The following PI4K2B variants were observed in gnomAD, a reference collection of about 807,000 sequenced individuals.
The protein encoded by PI4K2B is phosphatidylinositol 4-kinase type 2 beta, also known as phosphatidylinositol 4-kinase type 2-beta.
In PI4K2B, 46 loss-of-function variants were observed where a neutral mutation model predicts 56.6. The ratio of observed to expected loss-of-function variants is 0.81; its 90% CI spans 0.64 to 1.04. PI4K2B has a LOEUF of 1.04. PI4K2B is among the 50% of genes least tolerant of loss of function. The pLI is 0.00. For missense variants in PI4K2B, 556 were observed against 607.7 expected (o/e 0.91, Z 0.89); for synonymous variants, 211 against 223.8 (o/e 0.94, Z 0.51).
intron 9 of PI4K2B, 34 bp from the exon 10 acceptor site, chr4:25,276,980 T>C: frequency 6.7e-7 from 1 of 1,483,368 alleles, no homozygotes; most frequent in Non-Finnish European, 9.1e-7. Flanking sequence ...TTTTTATCTT[T>C]TTAAATTGGT....
At chr4:25,252,517 G>A in intron 2 of PI4K2B, 42 bp downstream of exon 2, 1 of 1,208,244 alleles carries the variant, frequency 8.3e-7, no homozygotes, top group Non-Finnish European at 1.2e-6. Flanking sequence ...GGAAACTTTG[G>A]TAAATACTAA....
intron 1 of PI4K2B, among the ~76,000 whole-genome samples, chr4:25,252,108 T>G (rs1200318009): frequency 6.6e-6 from 1 of 152,116 alleles, no homozygotes; most frequent in East Asian, 1.9e-4. Flanking sequence ...ATTACAGGCG[T>G]GAGCCACTGT....
chr4:25,252,140 A>G (rs966118333), intron 1 of PI4K2B, among the ~76,000 whole-genome samples, 181 bp from the exon 2 acceptor site: 5 of 149,500 alleles, frequency 3.3e-5, no homozygotes, highest in Non-Finnish European at 7.4e-5. Context: ...CCCCCATGTT[A>G]TTATTTGGAA....
chr4:25,262,348 T>TA lies in PI4K2B; in HGVS notation c.979-1395dup, dbSNP rs1560376848. ...AGAGCAAGACCCTGTCTCAAAAAAA[T>TA]AAAAAAATTAAAGATAATTAAATAA... On this transcript the variant is annotated intron_variant, in intron 6 of 9. Coordinates refer to ENST00000264864, the MANE Select transcript of PI4K2B (RefSeq NM_018323.4). Among the ~76,000 whole-genome samples, 3 of 151,964 alleles carry TA rather than the reference T, an allele frequency of 2.0e-5. No homozygotes were observed. In the South Asian group the frequency reaches 6.2e-4, roughly 32 times the overall value.
At chr4:25,239,744 G>A (rs1715435402) in intron 1 of PI4K2B, among the ~76,000 whole-genome samples, 2 of 152,238 alleles carry the variant, frequency 1.3e-5, no homozygotes, top group South Asian at 4.1e-4. Context: ...GGCCGAGGAG[G>A]CGCCGAGAGT....
rs1717124495 is a variant in PI4K2B, at chr4:25,276,997, C to T, written c.1273-17C>T. On this transcript the variant is annotated splice_polypyrimidine_tract_variant and intron_variant, in intron 9 of 9. Coordinates refer to ENST00000264864, the MANE Select transcript of PI4K2B (RefSeq NM_018323.4). ...TTTATCTTTTTAAATTGGTAAAAAT[C>T]TCTCTTCTTCCCACAGATCTTAAAC... is the stretch of plus-strand genomic sequence containing the variant. 2.6e-6 allele frequency: 4 copies of T among 1,510,402 alleles called. No individual in the cohort carries two copies. The East Asian group carries it at 9.2e-5, about 35-fold the overall frequency. The allele number at this position is 1,510,402 out of a possible 1,614,324, so 93.6% of individuals were successfully genotyped here. A position where few individuals can be genotyped will look rare whatever the true frequency, so the allele number is the denominator to read the frequency against.
Position 25,269,541 on chromosome 4 carries a change from C to T in PI4K2B, c.1272+338C>T, listed in dbSNP as rs531720579. Among the ~76,000 whole-genome samples the T allele has an allele frequency of 2.3e-4, 35 of 150,528 alleles. 1 individual carries two copies. The South Asian group carries it at 6.8e-3, about 29-fold the overall frequency. ...GTAATCACAGCTACTTGGGAGGCTG[C>T]AGCAGGAGAATCGCTTGAACTCGGG... On this transcript the variant is annotated intron_variant, in intron 9 of 9. Coordinates refer to ENST00000264864, the MANE Select transcript of PI4K2B (RefSeq NM_018323.4).
At chr4:25,273,398 G>A (rs1716979571) in intron 9 of PI4K2B, among the ~76,000 whole-genome samples, 1 of 152,214 alleles carries the variant, frequency 6.6e-6, no homozygotes. Context: ...TTATATACCA[G>A]AAACTCATTT....
Position 25,255,233 on chromosome 4 carries a change from A to C in PI4K2B, c.592A>C (p.Lys198Gln). Residue 198 changes from lysine (K) to glutamine (Q), a missense_variant, in exon 3 of 10, where the codon AAG becomes CAG. Physicochemically the swap from Lys to Gln is moderately conservative, Grantham distance 53. Transcript: ENST00000264864. ...AGCGGGTGCCTATCTTGTGGACAACAAGCTTCATCTGAGCATTGTACCTAA... is the reference window on the plus strand; with the variant it reads ...AGCGGGTGCCTATCTTGTGGACAACCAGCTTCATCTGAGCATTGTACCTAA... ...SEAGAYLVDN[K>Q]LHLSIVPKTK... The C allele has an allele frequency of 7.4e-6, 12 of 1,614,170 alleles. No individual in the cohort carries two copies. Among genetic ancestry groups the C allele is most frequent in the Non-Finnish European group, 1.0e-5 (12 of 1,180,012 alleles).
Position 25,255,160 on chromosome 4 carries a change from C to A in PI4K2B, c.519C>A (p.Cys173Ter). 6.2e-7 allele frequency: 1 copy of A among 1,614,094 alleles called. No individual in the cohort carries two copies. The highest frequency in any genetic ancestry group is 1.1e-5 in the South Asian group (1 of 91,084). ...TKYVHKVCCPCCFGRGCLIPN... is the reference protein window; with the variant it reads ...TKYVHKVCCP ...ATGTCCATAAGGTCTGCTGCCCTTGCTGCTTTGGCCGAGGCTGCCTGATTC... is the reference window on the plus strand; with the variant it reads ...ATGTCCATAAGGTCTGCTGCCCTTGATGCTTTGGCCGAGGCTGCCTGATTC... The change falls in exon 3 of 10, where the codon TGC becomes TGA. Residue 173 changes from cysteine (C) to a stop codon, truncating the protein, a stop_gained. Transcript: ENST00000264864. LOFTEE classifies it high-confidence loss of function.
chr4:25,255,350 A>G, intron 3 of PI4K2B, 85 bp downstream of exon 3: 2 of 1,211,200 alleles, frequency 1.7e-6, no homozygotes, highest in Non-Finnish European at 2.4e-6. Context: ...TCCTAATGAT[A>G]GAACCTAAAG....
chr4:25,259,844 C>T (rs1716395318), intron 5 of PI4K2B, among the ~76,000 whole-genome samples: 2 of 152,210 alleles, frequency 1.3e-5, no homozygotes, highest in Admixed American at 1.3e-4. Flanking sequence ...TTATCCAAAG[C>T]AGGGGCTCCC....
chr4:25,251,823 G>A (rs1716062713), intron 1 of PI4K2B, among the ~76,000 whole-genome samples: 1 of 107,140 alleles, frequency 9.3e-6, no homozygotes, highest in African/African-American at 3.7e-5. Flanking sequence ...TGTTGTTGTT[G>A]TTGTTATTAT....
rs1553890274 is a variant in PI4K2B at position 25,260,641 on chromosome 4, T to TATACAC, written c.978+51_978+52insTACACA. ...ATATATATATATATATATATATATA[T>TATACAC]ACACACACACACACACACACACATA... On this transcript the variant is annotated intron_variant, in intron 6 of 9. Coordinates refer to ENST00000264864, the MANE Select transcript of PI4K2B (RefSeq NM_018323.4). 26 of 69,446 alleles carry TATACAC rather than the reference T, an allele frequency of 3.7e-4. No individual in the cohort carries two copies. In the East Asian group the frequency reaches 4.5e-3, roughly 12 times the overall value. 4.3% of individuals were successfully genotyped at this position (69,446 alleles called of 1,614,324 possible).
At chr4:25,242,945 G>A (rs1224152989) in intron 1 of PI4K2B, among the ~76,000 whole-genome samples, 1 of 152,322 alleles carries the variant, frequency 6.6e-6, no homozygotes, top group Middle Eastern at 3.4e-3. Flanking sequence ...CCTAATAAGG[G>A]TGTGGGACTT....
rs777058859 is a variant in PI4K2B, at chr4:25,258,988, C to G, written c.757-49C>G. ...ACTGCTGAGAAATATAAATATTAATCCCCTTGTTCTTGTACTTTCTTTTCT... is the reference window on the plus strand; with the variant it reads ...ACTGCTGAGAAATATAAATATTAATGCCCTTGTTCTTGTACTTTCTTTTCT... On this transcript the variant is annotated intron_variant, in intron 4 of 9. Coordinates refer to ENST00000264864, the MANE Select transcript of PI4K2B (RefSeq NM_018323.4). The G allele has an allele frequency of 5.9e-5, 54 of 909,350 alleles. No homozygotes were observed. In the Admixed American group the frequency reaches 1.4e-3, roughly 23 times the overall value. 56.3% of individuals were successfully genotyped at this position (909,350 alleles called of 1,614,324 possible). A position where few individuals can be genotyped will look rare whatever the true frequency, so the allele number is the denominator to read the frequency against.
At chr4:25,263,950 A>G (rs1256374752) in intron 7 of PI4K2B, 101 bp downstream of exon 7, 1 of 586,626 alleles carries the variant, frequency 1.7e-6, no homozygotes, top group African/African-American at 1.9e-5. Context: ...AAAGTAGATG[A>G]AATATGATTA....
rs553432873 is a variant in PI4K2B at position 25,269,410 on chromosome 4, G to T, written c.1272+207G>T. 8.5e-3 allele frequency among the ~76,000 whole-genome samples: 1,287 copies of T among 152,226 alleles called. 9 individuals are homozygous for T. Among genetic ancestry groups the T allele is most frequent in the African/African-American group, 0.028 (1,181 of 41,552 alleles). ...CCAGTGCTTTGGGAGGCCAAGGCGG[G>T]TGAATCACCTGAGGTCAGGAGTTCG... On this transcript the variant is annotated intron_variant, in intron 9 of 9. Coordinates refer to ENST00000264864, the MANE Select transcript of PI4K2B (RefSeq NM_018323.4).
At chr4:25,270,789 A>C (rs1716858685) in intron 9 of PI4K2B, among the ~76,000 whole-genome samples, 1 of 152,234 alleles carries the variant, frequency 6.6e-6, no homozygotes. Context: ...CTATTCCAAA[A>C]GGAAAGCTTG....
Sources: allele counts gnomAD v4.1 joint callset (sites outside exome capture counted in the v4.1 genomes callset), GRCh38; gene constraint gnomAD v4.1.1; transcripts MANE v1.5; gene names NCBI Gene and HGNC (gene_info 2026-07-23, HGNC 2026-07-21).